The following CREG2 variants were observed in gnomAD, a reference collection of about 807,000 sequenced individuals.
CREG2 encodes the protein protein CREG2.
Under a neutral mutation model 26.2 loss-of-function variants are expected in CREG2, and 24 were observed. That is an observed-to-expected ratio of 0.92 (90% confidence interval 0.66 to 1.29). CREG2 has a LOEUF of 1.29. Among genes scored for constraint, CREG2 ranks in the 50% most tolerant of loss-of-function variants. CREG2 has a pLI of 0.00. For missense variants in CREG2, 366 were observed against 398.6 expected, an observed-to-expected ratio of 0.92 and a Z score of 0.70; for synonymous variants, 174 against 169.2, an observed-to-expected ratio of 1.03 and a Z score of -0.22.
chr2:101,382,428 A>C (rs550089452), intron 2 of CREG2: 1 of 51,896 alleles, frequency 1.9e-5, no homozygotes, highest in South Asian at 6.0e-4. Context: ...CTCTATCTCG[A>C]AAAAAAAAAA....
In CREG2 at chr2:101,348,672, A is replaced by G. The variant is rs1266328587; in HGVS notation, c.*2251T>C. The G allele has an allele frequency of 6.6e-6, 1 of 151,994 alleles. No homozygotes were observed. The highest frequency in any genetic ancestry group is 1.5e-5 in the Non-Finnish European group (1 of 68,002). The allele number at this position is 151,994 out of a possible 1,614,324, so 9.4% of individuals were successfully genotyped here. ...CTTGTTGCACTCACATACTAGTTCCAGAGTTTTTTTTTAAAAAAAATAGAT... is the reference window on the plus strand; with the variant it reads ...CTTGTTGCACTCACATACTAGTTCCGGAGTTTTTTTTTAAAAAAAATAGAT... On this transcript the variant is annotated 3_prime_UTR_variant, in exon 4 of 4. Coordinates refer to ENST00000324768, the MANE Select transcript of CREG2 (RefSeq NM_153836.4).
intron 2 of CREG2, among the ~76,000 whole-genome samples, chr2:101,367,995 G>T (rs1286989890): frequency 6.6e-6 from 1 of 152,178 alleles, no homozygotes; most frequent in African/African-American, 2.4e-5. Context: ...GACCTTAAAA[G>T]AATGCATCTG....
At chr2:101,351,970 C>G (rs923976581) in intron 3 of CREG2, among the ~76,000 whole-genome samples, 1 of 151,956 alleles carries the variant, frequency 6.6e-6, no homozygotes, top group African/African-American at 2.4e-5. Flanking sequence ...ACCGCAGCCT[C>G]GATCTCCTGG....
At chr2:101,352,918 C>T (rs1335894413) in intron 3 of CREG2, among the ~76,000 whole-genome samples, 1 of 152,140 alleles carries the variant, frequency 6.6e-6, no homozygotes, top group Admixed American at 6.6e-5. Flanking sequence ...CCACTGCACT[C>T]CAGCCTGCAC....
intron 2 of CREG2, among the ~76,000 whole-genome samples, chr2:101,380,597 C>G (rs1475316389): frequency 1.3e-5 from 2 of 152,322 alleles, no homozygotes; most frequent in Non-Finnish European, 2.9e-5. Context: ...CCCAGCTGCA[C>G]AGACTAACAG....
rs1003662098 is a variant in CREG2 at position 101,350,727 on chromosome 2, T to C, written c.*196A>G. On this transcript the variant is annotated 3_prime_UTR_variant, in exon 4 of 4. Coordinates refer to ENST00000324768, the MANE Select transcript of CREG2 (RefSeq NM_153836.4). ...TATCTACGTGAAGTATCTGTGTGAG[T>C]TGGAGATCTGCAAATGACCACTTTA... The C allele has an allele frequency of 8.6e-6, 5 of 579,428 alleles. No homozygotes were observed. Among genetic ancestry groups the C allele is most frequent in the Non-Finnish European group, 1.5e-5 (5 of 326,760 alleles). 35.9% of individuals were successfully genotyped at this position (579,428 alleles called of 1,614,324 possible).
chr2:101,360,953 T>C (rs1429293187), intron 2 of CREG2, among the ~76,000 whole-genome samples: 9 of 152,152 alleles, frequency 5.9e-5, no homozygotes, highest in Non-Finnish European at 2.9e-5. Flanking sequence ...AATTCACATA[T>C]ATGAAAAATA....
At position 101,372,335 on chromosome 2, in the gene CREG2, T is replaced by A. The variant is rs1475661894; in HGVS notation, c.611+11198A>T. On this transcript the variant is annotated intron_variant, in intron 2 of 3. Coordinates refer to ENST00000324768, the MANE Select transcript of CREG2 (RefSeq NM_153836.4). ...GTAAATCTCATCTGAAGGAAAAAAG[T>A]CTTATTTTCATCACAATATTTAATA... Among the ~76,000 whole-genome samples the A allele has an allele frequency of 3.3e-5, 5 of 152,336 alleles. No individual in the cohort carries two copies. In the South Asian group the frequency reaches 1.0e-3, roughly 32 times the overall value.
chr2:101,384,382 G>A (rs921341999), intron 1 of CREG2, among the ~76,000 whole-genome samples: 3 of 152,318 alleles, frequency 2.0e-5, no homozygotes, highest in Admixed American at 2.0e-4. Flanking sequence ...TAGGGTGGGA[G>A]AAGGGTGGTG....
chr2:101,375,953 G>T, intron 2 of CREG2: 1 of 172,696 alleles, frequency 5.8e-6, no homozygotes, highest in South Asian at 1.4e-4. Context: ...AGGCTGTCAA[G>T]GCAGGCCTGT....
In CREG2 at chr2:101,349,787, A is replaced by T. The variant is rs1322015997; in HGVS notation, c.*1136T>A. The T allele has an allele frequency of 6.6e-6, 1 of 151,510 alleles. No individual in the cohort carries two copies. The highest frequency in any genetic ancestry group is 6.6e-5 in the Admixed American group (1 of 15,192). The allele number at this position is 151,510 out of a possible 1,614,324, so 9.4% of individuals were successfully genotyped here. A position where few individuals can be genotyped will look rare whatever the true frequency, so the allele number is the denominator to read the frequency against. On this transcript the variant is annotated 3_prime_UTR_variant, in exon 4 of 4. Transcript: ENST00000324768. ...AAGAAACATCATCTCCAGGCAAGCTAGTCCTTCTTTTTTACAATCACTTTA... is the reference window on the plus strand; with the variant it reads ...AAGAAACATCATCTCCAGGCAAGCTTGTCCTTCTTTTTTACAATCACTTTA...
intron 2 of CREG2, among the ~76,000 whole-genome samples, chr2:101,373,892 G>A (rs1306973546): frequency 1.3e-5 from 2 of 152,142 alleles, no homozygotes. Context: ...TGAGAACAGG[G>A]TCTACACTCT....
intron 2 of CREG2, among the ~76,000 whole-genome samples, chr2:101,371,169 A>G (rs1475447530): frequency 6.6e-6 from 1 of 152,172 alleles, no homozygotes; most frequent in Non-Finnish European, 1.5e-5. Flanking sequence ...GACCAAAGGA[A>G]GCCTCAGGGG....
chr2:101,368,518 C>T (rs1351544062), intron 2 of CREG2, among the ~76,000 whole-genome samples: 3 of 152,142 alleles, frequency 2.0e-5, no homozygotes, highest in African/African-American at 7.2e-5. Context: ...TGGTCCTGGC[C>T]TCTGGGGAGC....
rs1443847736 is a variant in CREG2, at chr2:101,347,378, T to G, written c.*3545A>C. 1 of 152,240 alleles carries G rather than the reference T, an allele frequency of 6.6e-6. No homozygotes were observed. The highest frequency in any genetic ancestry group is 6.5e-5 in the Admixed American group (1 of 15,286). The allele number at this position is 152,240 out of a possible 1,614,324, so 9.4% of individuals were successfully genotyped here. On this transcript the variant is annotated 3_prime_UTR_variant, in exon 4 of 4. Coordinates refer to ENST00000324768, the MANE Select transcript of CREG2 (RefSeq NM_153836.4). Reference sequence around the variant, plus strand: ...AGTATGGCAGTTGTATGTTTAGTTTTATGAGAAACTGGCAAATGGTTTTGC... The same window carrying G: ...AGTATGGCAGTTGTATGTTTAGTTTGATGAGAAACTGGCAAATGGTTTTGC...
At chr2:101,351,447 A>G (rs1684380628) in intron 3 of CREG2, among the ~76,000 whole-genome samples, 1 of 152,208 alleles carries the variant, frequency 6.6e-6, no homozygotes, top group African/African-American at 2.4e-5. Context: ...AATGAACCAC[A>G]CAGAAAACAC....
intron 1 of CREG2, among the ~76,000 whole-genome samples, chr2:101,385,844 ACTC>A (rs777587751): frequency 6.6e-6 from 1 of 152,220 alleles, no homozygotes; most frequent in Non-Finnish European, 1.5e-5. Flanking sequence ...AGAAAGAGGA[ACTC>A]CTAACAAAGC....
In CREG2 at chr2:101,351,080, TAA is replaced by T; in HGVS notation, c.726-12_726-11del. 6.2e-7 allele frequency: 1 copy of T among 1,613,356 alleles called. No individual in the cohort carries two copies. On this transcript the variant is annotated splice_polypyrimidine_tract_variant and intron_variant, in intron 3 of 3. Transcript: ENST00000324768. ...CCTCATCCCTGGGTGCCTGCAGGAA[TAA>T]AGAGAGACCACAGTAAAGCTGCTCT... is the stretch of plus-strand genomic sequence containing the variant.
chr2:101,375,030 T>A (rs1431982450), intron 2 of CREG2, among the ~76,000 whole-genome samples: 1 of 152,098 alleles, frequency 6.6e-6, no homozygotes, highest in Non-Finnish European at 1.5e-5. Flanking sequence ...ACAGAAGCAG[T>A]TCCTCTTCCT....
Sources: gnomAD v4.1 joint callset for allele counts (sites outside exome capture counted in the v4.1 genomes callset) on GRCh38, gnomAD v4.1.1 for gene constraint, MANE v1.5 for transcripts, NCBI Gene and HGNC (gene_info 2026-07-23, HGNC 2026-07-21) for gene names.